Variants in FAM53A observed in about 807,000 individuals in gnomAD.
The protein encoded by FAM53A is family with sequence similarity 53 member A.
A neutral mutation model predicts 26.6 loss-of-function variants in FAM53A; 28 were observed. That is an observed-to-expected ratio of 1.05 (90% CI 0.78 to 1.45). The LOEUF (loss-of-function observed/expected upper bound fraction) is 1.45, where lower values mean the gene tolerates loss of function less well. Among genes scored for constraint, FAM53A ranks in the 40% most tolerant of loss-of-function variants. FAM53A has a pLI of 0.00. For missense variants in FAM53A, 650 were observed against 575.8 expected (o/e 1.13, Z -1.32); for synonymous variants, 290 against 253.1 (o/e 1.15, Z -1.38).
chr4:1,645,892 G>C (rs1712197461), intron 4 of FAM53A, among the ~76,000 whole-genome samples: 5 of 152,202 alleles, frequency 3.3e-5, no homozygotes, highest in Admixed American at 3.3e-4. Flanking sequence ...TCTCTACCAT[G>C]GTGTTGGGAG....
chr4:1,681,394 C>T (rs1008674980), intron 1 of FAM53A, among the ~76,000 whole-genome samples: 3 of 152,224 alleles, frequency 2.0e-5, no homozygotes, highest in African/African-American at 7.2e-5. Flanking sequence ...CCCCGTGTCT[C>T]AGCCTCCCAA....
intron 1 of FAM53A, among the ~76,000 whole-genome samples, chr4:1,618,624 G>A (rs1403681594): frequency 6.6e-6 from 1 of 152,158 alleles, no homozygotes; most frequent in Non-Finnish European, 1.5e-5. Context: ...GGTGGACTGT[G>A]GCTCATGGCT....
At chr4:1,616,328 T>C (rs186765269), downstream of FAM53A, among the ~76,000 whole-genome samples, 1 of 152,180 alleles carries the variant, frequency 6.6e-6, no homozygotes, top group African/African-American at 2.4e-5. Context: ...ACGGCCAAGG[T>C]TGGAAGCGGG....
rs1266551950 is a variant in FAM53A, at chr4:1,621,982, CT to C, written c.432-3872del. Among the ~76,000 whole-genome samples the C allele has an allele frequency of 8.5e-5, 13 of 152,296 alleles. No homozygotes were observed. In the East Asian group the frequency reaches 2.5e-3, roughly 29 times the overall value. ...TTCATGAACGAATCGATGCTGCTGT[CT>C]TGGGAACGGGGCACATATTAAAGGG... On this transcript the variant is annotated intron_variant, in intron 1 of 1. Transcript: ENST00000489029.
intron 1 of FAM53A, among the ~76,000 whole-genome samples, chr4:1,674,224 A>T (rs1362256146): frequency 6.6e-6 from 1 of 152,090 alleles, no homozygotes; most frequent in Non-Finnish European, 1.5e-5. Context: ...CCTGGCTTAT[A>T]GCTGTACCAC....
the FAM53A span, among the ~76,000 whole-genome samples, chr4:1,580,829 A>G: frequency 7.9e-5 from 3 of 37,996 alleles, no homozygotes; most frequent in African/African-American, 1.2e-4. Flanking sequence ...CCTCCCACCC[A>G]GGTCCCCCCC....
chr4:1,650,523 G>C (rs913437243), intron 4 of FAM53A, among the ~76,000 whole-genome samples: 13 of 152,108 alleles, frequency 8.5e-5, no homozygotes, highest in African/African-American at 3.1e-4. Flanking sequence ...TTGAGACAGA[G>C]TCTCACTCTG....
chr4:1,597,626 C>T, the FAM53A span, among the ~76,000 whole-genome samples: 433 of 152,010 alleles, frequency 2.8e-3, 6 homozygotes, highest in East Asian at 0.028. Context: ...CCGGGGCCCC[C>T]CAACAGTGCC....
chr4:1,684,374 G>A, upstream of FAM53A: 1 of 147,892 alleles, frequency 6.8e-6, no homozygotes, highest in South Asian at 1.8e-4. Flanking sequence ...TTGGCCGCCC[G>A]CGCCCCGCCG....
intron 1 of FAM53A, among the ~76,000 whole-genome samples, chr4:1,621,321 G>A (rs938240011): frequency 3.2e-4 from 48 of 152,058 alleles, no homozygotes; most frequent in African/African-American, 1.1e-3. Context: ...AGCCGGGATG[G>A]TCTCGATCTC....
At chr4:1,600,945 ACCAGCCCTGCCCCAGGGC>A in the FAM53A span, among the ~76,000 whole-genome samples, 4 of 152,128 alleles carry the variant, frequency 2.6e-5, no homozygotes, top group Admixed American at 1.3e-4. Context: ...GGACATGGCG[ACCAGCCCTGCCCCAGGGC>A]CCAGCCCTGG....
the FAM53A span, among the ~76,000 whole-genome samples, chr4:1,577,643 A>C: frequency 6.6e-6 from 1 of 152,172 alleles, no homozygotes; most frequent in Non-Finnish European, 1.5e-5. Flanking sequence ...ATTACCATAA[A>C]TCCCCCGGTA....
the FAM53A span, among the ~76,000 whole-genome samples, chr4:1,578,659 C>A: frequency 6.7e-6 from 1 of 149,946 alleles, no homozygotes; most frequent in Admixed American, 6.6e-5. Flanking sequence ...TCGCGACCCC[C>A]CTACCCCGAA....
chr4:1,671,107 C>T (rs1290573653), intron 1 of FAM53A, among the ~76,000 whole-genome samples: 5 of 144,950 alleles, frequency 3.4e-5, no homozygotes, highest in African/African-American at 5.2e-5. Context: ...TCTGTCCCAG[C>T]GTCAGAGCCA....
chr4:1,622,260 G>GT (rs144971943), intron 1 of FAM53A, among the ~76,000 whole-genome samples: 5,917 of 152,310 alleles, frequency 0.039, 353 homozygotes, highest in African/African-American at 0.13. Context: ...TCCAGCCAGC[G>GT]TGACGGTCAG....
chr4:1,619,940 T>C (rs1714955801), intron 1 of FAM53A, among the ~76,000 whole-genome samples: 1 of 152,230 alleles, frequency 6.6e-6, no homozygotes, highest in African/African-American at 2.4e-5. Flanking sequence ...CCGGGCGTGG[T>C]GGCTCACGCC....
chr4:1,606,314 G>A, the FAM53A span, among the ~76,000 whole-genome samples: 4 of 151,802 alleles, frequency 2.6e-5, no homozygotes, highest in African/African-American at 9.7e-5. Context: ...CAAAGTGCTG[G>A]GATTACAGGC....
intron 4 of FAM53A, among the ~76,000 whole-genome samples, chr4:1,652,673 CCACA>C (rs1712963344): frequency 6.7e-6 from 1 of 148,982 alleles, no homozygotes; most frequent in African/African-American, 2.5e-5. Flanking sequence ...ATACACCACA[CCACA>C]CATACCACAG....
chr4:1,635,524 T>A (rs1440846856), downstream of FAM53A, among the ~76,000 whole-genome samples: 1 of 152,144 alleles, frequency 6.6e-6, no homozygotes, highest in African/African-American at 2.4e-5. Flanking sequence ...TCCTCCCCGC[T>A]GTTGGCCTTC....
Sources: gnomAD v4.1 joint callset for allele counts (sites outside exome capture counted in the v4.1 genomes callset) on GRCh38, gnomAD v4.1.1 for gene constraint, MANE v1.5 for transcripts, NCBI Gene and HGNC (gene_info 2026-07-23, HGNC 2026-07-21) for gene names.